The following TTLL11 variants were observed in gnomAD, a reference collection of about 807,000 sequenced individuals.
TTLL11 encodes tubulin polyglutamylase TTLL11.
Under a neutral mutation model 51.7 loss-of-function variants are expected in TTLL11, and 42 were observed. That is an observed-to-expected ratio of 0.81 (90% confidence interval 0.64 to 1.05). The LOEUF (loss-of-function observed/expected upper bound fraction) is 1.05, where lower values mean the gene tolerates loss of function less well. Among genes scored for constraint, TTLL11 ranks in the 50% least tolerant of loss-of-function variants. The probability of loss-of-function intolerance (pLI) is 0.00; values close to 1 mark genes in which losing one functional copy is unlikely to be tolerated. For synonymous variants in TTLL11, 381 were observed against 383.5 expected (o/e 0.99, Z 0.08); for missense variants, 799 against 940.4 (o/e 0.85, Z 1.97).
intron 3 of TTLL11, among the ~76,000 whole-genome samples, chr9:122,001,129 C>A (rs1843449810): frequency 6.6e-6 from 1 of 152,142 alleles, no homozygotes; most frequent in African/African-American, 2.4e-5. Context: ...TGGAGTCTCA[C>A]TCGTCGCCCA....
At position 122,086,277 on chromosome 9, in the gene TTLL11, T is replaced by C. The variant is rs974339703; in HGVS notation, c.462+6410A>G. ...TGGATTCATGAAGCTATTACCCGAA[T>C]TGTATCGTTCAAATAACAATGGTAG... is the stretch of plus-strand genomic sequence containing the variant. On this transcript the variant is annotated intron_variant, in intron 1 of 8. Coordinates refer to ENST00000321582, the MANE Select transcript of TTLL11 (RefSeq NM_001139442.2). Among the ~76,000 whole-genome samples, 6 of 152,342 alleles carry C rather than the reference T, an allele frequency of 3.9e-5. No individual in the cohort carries two copies. The East Asian group carries it at 5.8e-4, about 15-fold the overall frequency.
chr9:122,060,137 G>A (rs1211714956), intron 1 of TTLL11, among the ~76,000 whole-genome samples: 1 of 152,124 alleles, frequency 6.6e-6, no homozygotes, highest in Non-Finnish European at 1.5e-5. Flanking sequence ...GGTCACAGGG[G>A]CGATGTCTTA....
At chr9:122,078,951 G>A (rs930181587) in intron 1 of TTLL11, among the ~76,000 whole-genome samples, 1 of 152,142 alleles carries the variant, frequency 6.6e-6, no homozygotes, top group Non-Finnish European at 1.5e-5. Context: ...TTAGAGTACT[G>A]TTACAGCTTC....
At chr9:121,876,366 T>G (rs981169236) in intron 6 of TTLL11, among the ~76,000 whole-genome samples, 1 of 152,238 alleles carries the variant, frequency 6.6e-6, no homozygotes, top group Non-Finnish European at 1.5e-5. Flanking sequence ...TTCAATAATT[T>G]ATTCATCCAT....
intron 1 of TTLL11, among the ~76,000 whole-genome samples, chr9:122,090,198 G>A (rs1564393850): frequency 6.6e-6 from 1 of 151,918 alleles, no homozygotes; most frequent in African/African-American, 2.4e-5. Context: ...TAGAAAGACT[G>A]GAAACTGCTG....
At position 121,995,932 on chromosome 9, in the gene TTLL11, G is replaced by A. The variant is rs1200029593; in HGVS notation, c.694-6162C>T. Among the ~76,000 whole-genome samples, 1 of 152,182 alleles carries A rather than the reference G, an allele frequency of 6.6e-6. No individual in the cohort carries two copies. Among genetic ancestry groups the A allele is most frequent in the Non-Finnish European group, 1.5e-5 (1 of 68,024 alleles). ...CTCCGTGGTGAGCGCGGGAACCACG[G>A]GCCCGTGAGAAGTAGTGCCTGCCAC... is the stretch of plus-strand genomic sequence containing the variant. On this transcript the variant is annotated intron_variant, in intron 3 of 8. Coordinates refer to ENST00000321582, the MANE Select transcript of TTLL11 (RefSeq NM_001139442.2). The surrounding 1 kb of genome is among the most constrained non-coding windows in gnomAD (Gnocchi z 4.4).
At chr9:121,948,180 G>C (rs1448523402) in intron 6 of TTLL11, among the ~76,000 whole-genome samples, 1 of 152,182 alleles carries the variant, frequency 6.6e-6, no homozygotes, top group Non-Finnish European at 1.5e-5. Context: ...GGAGAACATA[G>C]AGATGTAGAT....
rs1840464440 is a variant in TTLL11, at chr9:121,919,868, A to G, written c.1482-49120T>C. Among the ~76,000 whole-genome samples the G allele has an allele frequency of 3.3e-5, 5 of 151,708 alleles. No individual in the cohort carries two copies. The South Asian group carries it at 1.0e-3, about 31-fold the overall frequency. ...TCTCTAAAAAAAAAAAAAAAAAAAAAAAGGAAATATCCTAATATTAACACT... is the reference window on the plus strand; with the variant it reads ...TCTCTAAAAAAAAAAAAAAAAAAAAGAAGGAAATATCCTAATATTAACACT... On this transcript the variant is annotated intron_variant, in intron 6 of 8. Coordinates refer to ENST00000321582, the MANE Select transcript of TTLL11 (RefSeq NM_001139442.2).
chr9:121,901,583 G>A (rs1839776025), intron 6 of TTLL11, among the ~76,000 whole-genome samples: 1 of 151,846 alleles, frequency 6.6e-6, no homozygotes, highest in African/African-American at 2.4e-5. Context: ...TCTTAAAGAA[G>A]ACACTGTCTT....
In TTLL11 at chr9:122,087,296, G is replaced by A. The variant is rs554735743; in HGVS notation, c.462+5391C>T. Reference sequence around the variant, plus strand: ...GCGATTTCAGCTCACTGCAACCTCCGCCTCCCGGGTTCAAGCAATTCTCGT... The same window carrying A: ...GCGATTTCAGCTCACTGCAACCTCCACCTCCCGGGTTCAAGCAATTCTCGT... On this transcript the variant is annotated intron_variant, in intron 1 of 8. Coordinates refer to ENST00000321582, the MANE Select transcript of TTLL11 (RefSeq NM_001139442.2). 3.3e-5 allele frequency among the ~76,000 whole-genome samples: 5 copies of A among 151,940 alleles called. No individual in the cohort carries two copies. The South Asian group carries it at 8.3e-4, about 25-fold the overall frequency.
At position 121,908,549 on chromosome 9, in the gene TTLL11, G is replaced by A. The variant is rs111331319; in HGVS notation, c.1482-37801C>T. ...CCATCTCCCATTTTGACAGCCCTGC[G>A]CTGGGAATTCATAAAATATTCAAGT... is the stretch of plus-strand genomic sequence containing the variant. On this transcript the variant is annotated intron_variant, in intron 6 of 8. Transcript: ENST00000321582. Among the ~76,000 whole-genome samples, 23 of 152,298 alleles carry A rather than the reference G, an allele frequency of 1.5e-4. 1 individual carries two copies. Among genetic ancestry groups the A allele is most frequent in the African/African-American group, 3.4e-4 (14 of 41,562 alleles).
At chr9:121,888,492 C>A (rs1466392336) in intron 6 of TTLL11, among the ~76,000 whole-genome samples, 2 of 152,182 alleles carry the variant, frequency 1.3e-5, no homozygotes, top group Non-Finnish European at 2.9e-5. Context: ...CAGTTCAGCT[C>A]TTTGTAGACA....
chr9:121,852,059 CT>C lies in TTLL11; in HGVS notation c.1840+8277del, dbSNP rs1046918679. 7.9e-5 allele frequency among the ~76,000 whole-genome samples: 12 copies of C among 152,352 alleles called. 1 individual carries two copies. The highest frequency in any genetic ancestry group is 2.9e-4 in the African/African-American group (12 of 41,590). ...CAGGACTGAGACTCGGGGCTGGCCC[CT>C]GTTCTGCCCCTGCCTGCCTGTGGAG... On this transcript the variant is annotated intron_variant, in intron 8 of 8. Transcript: ENST00000321582.
At chr9:121,852,544 T>G (rs561746218) in intron 8 of TTLL11, among the ~76,000 whole-genome samples, 1 of 152,238 alleles carries the variant, frequency 6.6e-6, no homozygotes, top group African/African-American at 2.4e-5. Flanking sequence ...TTCTCCCCTT[T>G]GTCTGTTTTT....
chr9:121,987,678 C>T (rs895100778), intron 4 of TTLL11, among the ~76,000 whole-genome samples: 1 of 152,158 alleles, frequency 6.6e-6, no homozygotes, highest in Admixed American at 6.5e-5. Flanking sequence ...CTGTCTGCTT[C>T]CCCAGGCACC....
chr9:121,831,980 G>A (rs527708868), intron 8 of TTLL11, among the ~76,000 whole-genome samples: 38 of 152,234 alleles, frequency 2.5e-4, no homozygotes, highest in African/African-American at 7.2e-4. Context: ...GTTTGCAGAC[G>A]GCCGCCTTCT....
intron 3 of TTLL11, among the ~76,000 whole-genome samples, chr9:121,992,553 T>G (rs1843146269): frequency 6.6e-6 from 1 of 152,208 alleles, no homozygotes; most frequent in African/African-American, 2.4e-5. Flanking sequence ...GTGAATTAAA[T>G]AAAAATACCA....
At chr9:121,829,698 G>C (rs1365709893) in intron 8 of TTLL11, among the ~76,000 whole-genome samples, 3 of 148,566 alleles carry the variant, frequency 2.0e-5, no homozygotes, top group Admixed American at 6.8e-5. Context: ...AGACTTATAG[G>C]GTATTTTAAT....
At chr9:121,868,500 T>C (rs945348054) in intron 7 of TTLL11, among the ~76,000 whole-genome samples, 5 of 152,196 alleles carry the variant, frequency 3.3e-5, no homozygotes, top group Admixed American at 1.3e-4. Flanking sequence ...GCCTTTTTTC[T>C]TCCTCCCCTT....
Sources: allele counts gnomAD v4.1 joint callset (sites outside exome capture counted in the v4.1 genomes callset), GRCh38; gene constraint gnomAD v4.1.1; non-coding constraint Gnocchi (gnomAD v3.1); transcripts MANE v1.5; gene names NCBI Gene and HGNC (gene_info 2026-07-23, HGNC 2026-07-21).